CUL2: variants seen among roughly 807,000 people sequenced by gnomAD.
CUL2 encodes cullin-2.
Under a neutral mutation model 110.2 loss-of-function variants are expected in CUL2, and 22 were observed. The observed-to-expected ratio is 0.20, with a 90% CI of 0.14 to 0.28. The LOEUF (loss-of-function observed/expected upper bound fraction) is 0.28. CUL2 is among the 10% of genes least tolerant of loss of function. The pLI, the probability that CUL2 is intolerant of heterozygous loss-of-function variation, is 1.00. For synonymous variants in CUL2, 279 were observed against 293.2 expected (o/e 0.95, Z 0.49); for missense variants, 631 against 905.5 (o/e 0.70, Z 3.89).
At chr10:35,085,409 G>A (rs771611879) in intron 1 of CUL2, among the ~76,000 whole-genome samples, 6 of 151,012 alleles carry the variant, frequency 4.0e-5, no homozygotes, top group African/African-American at 1.5e-4. Flanking sequence ...CAGCCTGGGC[G>A]ACAAAGCGAG....
chr10:35,102,164 C>G lies in CUL2; in HGVS notation c.-50-1104G>C, dbSNP rs186163212. ...CTGAGGCAGGAGAATCGCTTGAACC[C>G]GGGAGGCAGAGGTTACAGTGAGCTG... is the stretch of plus-strand genomic sequence containing the variant. On this transcript the variant is annotated intron_variant, in intron 1 of 5. Transcript: ENST00000685421. 1.3e-4 allele frequency among the ~76,000 whole-genome samples: 20 copies of G among 151,340 alleles called. No individual in the cohort carries two copies. The East Asian group carries it at 3.3e-3, about 25-fold the overall frequency.
In CUL2 at chr10:35,016,647, C is replaced by G. The variant is rs540481055; in HGVS notation, c.1685-253G>C. Among the ~76,000 whole-genome samples the G allele has an allele frequency of 2.0e-5, 3 of 152,240 alleles. No individual in the cohort carries two copies. The South Asian group carries it at 6.2e-4, about 32-fold the overall frequency. On this transcript the variant is annotated intron_variant, in intron 17 of 20. Transcript: ENST00000374749. ...CAGTAGGTTAAAACAGTCTTTAAGG[C>G]CAGGCGCAGCGGCTCACGCCTGTAA... is the stretch of plus-strand genomic sequence containing the variant.
intron 20 of CUL2, 61 bp downstream of exon 20, chr10:35,011,787 G>A (rs2084908577): frequency 1.2e-6 from 1 of 812,258 alleles, no homozygotes; most frequent in African/African-American, 1.7e-5. Flanking sequence ...GAAAGAGACT[G>A]AATCTGTACA....
Position 35,072,372 on chromosome 10 carries a change from C to CT in CUL2, c.-22-1034dup, listed in dbSNP as rs150456156. ...CCCTGGCTCCAGTGAACTTAATGGG[C>CT]TTTTTTTTTTTTTTGAGACAGAGTC... On this transcript the variant is annotated intron_variant, in intron 1 of 20. Coordinates refer to ENST00000374749, the MANE Select transcript of CUL2 (RefSeq NM_003591.4). Among the ~76,000 whole-genome samples the CT allele has an allele frequency of 5.4e-3, 773 of 142,878 alleles. 3 individuals carry two copies. The highest frequency in any genetic ancestry group is 0.018 in the South Asian group (80 of 4,522). The allele number at this position is 142,878 out of a possible 152,430, so 93.7% of individuals were successfully genotyped here.
In CUL2 at chr10:35,009,084, A is replaced by G. The variant is rs1389710676; in HGVS notation, c.*1227T>C. The G allele has an allele frequency of 6.6e-6, 1 of 151,068 alleles. No individual in the cohort carries two copies. Among genetic ancestry groups the G allele is most frequent in the Non-Finnish European group, 1.5e-5 (1 of 67,764 alleles). The allele number at this position is 151,068 out of a possible 1,614,324, so 9.4% of individuals were successfully genotyped here. On this transcript the variant is annotated 3_prime_UTR_variant, in exon 21 of 21. Coordinates refer to ENST00000374749, the MANE Select transcript of CUL2 (RefSeq NM_003591.4). Reference sequence around the variant, plus strand: ...CTTATTTTTTTTAAAATAAAGAAAAATTGTATGTTGAGGGAGGAGGGGTGT... The same window carrying G: ...CTTATTTTTTTTAAAATAAAGAAAAGTTGTATGTTGAGGGAGGAGGGGTGT...
intron 1 of CUL2, among the ~76,000 whole-genome samples, chr10:35,073,015 C>G (rs1190776796): frequency 6.6e-6 from 1 of 152,124 alleles, no homozygotes; most frequent in African/African-American, 2.4e-5. Context: ...GGCGGCCGCA[C>G]CACCAGCCAC....
chr10:35,080,910 A>G (rs1589046043), intron 1 of CUL2, among the ~76,000 whole-genome samples: 4 of 152,192 alleles, frequency 2.6e-5, no homozygotes, highest in Admixed American at 2.0e-4. Context: ...TCATAATACA[A>G]TAAGTTACAG....
intron 2 of CUL2, among the ~76,000 whole-genome samples, chr10:35,095,752 G>A (rs1218738251): frequency 1.3e-5 from 2 of 152,098 alleles, no homozygotes; most frequent in African/African-American, 2.4e-5. Context: ...GTAGAGACAA[G>A]GTTTCACCAT....
chr10:35,121,561 G>A (rs1009937021), intron 1 of CUL2, among the ~76,000 whole-genome samples: 1 of 152,172 alleles, frequency 6.6e-6, no homozygotes, highest in Non-Finnish European at 1.5e-5. Flanking sequence ...TGAGAGAGGC[G>A]CTAAGGCCAC....
At chr10:35,067,925 G>A (rs1288088777) in intron 2 of CUL2, among the ~76,000 whole-genome samples, 2 of 151,676 alleles carry the variant, frequency 1.3e-5, no homozygotes, top group African/African-American at 4.8e-5. Flanking sequence ...GGTTAACACG[G>A]TGAAACCCTG....
At chr10:35,075,567 T>C (rs2086794630) in intron 1 of CUL2, among the ~76,000 whole-genome samples, 1 of 151,568 alleles carries the variant, frequency 6.6e-6, no homozygotes, top group African/African-American at 2.4e-5. Flanking sequence ...TCCTTGTGAG[T>C]TCCACTCTTG....
At chr10:35,103,025 A>G (rs1000823544) in intron 1 of CUL2, among the ~76,000 whole-genome samples, 2 of 152,192 alleles carry the variant, frequency 1.3e-5, no homozygotes, top group Non-Finnish European at 2.9e-5. Context: ...ATTAGTATGA[A>G]GAGCTCTCTA....
intron 17 of CUL2, 75 bp downstream of exon 17, chr10:35,025,057 T>C (rs1041218264): frequency 9.4e-5 from 131 of 1,396,288 alleles, no homozygotes; most frequent in South Asian, 2.4e-4. Context: ...AATTGGGCCA[T>C]AGAAAACCTC....
At chr10:35,017,406 T>C (rs1248878888) in intron 17 of CUL2, among the ~76,000 whole-genome samples, 2 of 151,768 alleles carry the variant, frequency 1.3e-5, no homozygotes, top group Admixed American at 6.5e-5. Context: ...AAATATGTTC[T>C]ATATGTGCTG....
At position 35,068,003 on chromosome 10, in the gene CUL2, G is replaced by A. The variant is rs184941814; in HGVS notation, c.119+3196C>T. Among the ~76,000 whole-genome samples the A allele has an allele frequency of 3.1e-3, 464 of 151,848 alleles. 1 individual carries two copies. The highest frequency in any genetic ancestry group is 0.011 in the African/African-American group (442 of 41,414). On this transcript the variant is annotated intron_variant, in intron 2 of 20. Coordinates refer to ENST00000374749, the MANE Select transcript of CUL2 (RefSeq NM_003591.4). ...TGGGCGCCTGTAGTCCCAGCTACTC[G>A]GGAGGCTGAGGCAGGAGAATGGCAT...
intron 2 of CUL2, among the ~76,000 whole-genome samples, chr10:35,066,956 C>T (rs2086544015): frequency 6.6e-6 from 1 of 151,962 alleles, no homozygotes; most frequent in Admixed American, 6.6e-5. Flanking sequence ...GACATCAAAA[C>T]TGGTCTATGT....
At chr10:35,039,304 C>G (rs1340176210) in intron 8 of CUL2, among the ~76,000 whole-genome samples, 1 of 152,208 alleles carries the variant, frequency 6.6e-6, no homozygotes, top group East Asian at 1.9e-4. Flanking sequence ...TAAGCAAGAA[C>G]TAAAGTTAAA....
intron 1 of CUL2, among the ~76,000 whole-genome samples, chr10:35,078,820 C>A (rs561331651): frequency 1.3e-5 from 2 of 152,200 alleles, no homozygotes; most frequent in East Asian, 3.9e-4. Flanking sequence ...TCCTGAATGA[C>A]GATTTATTTC....
chr10:35,022,577 G>T (rs1322474247), intron 17 of CUL2, among the ~76,000 whole-genome samples: 1 of 152,170 alleles, frequency 6.6e-6, no homozygotes, highest in Non-Finnish European at 1.5e-5. Flanking sequence ...TCTAGAACAA[G>T]TATCTTCAAT....
Sources: gnomAD v4.1 joint callset for allele counts (sites outside exome capture counted in the v4.1 genomes callset) on GRCh38, gnomAD v4.1.1 for gene constraint, MANE v1.5 for transcripts, NCBI Gene and HGNC (gene_info 2026-07-23, HGNC 2026-07-21) for gene names.